Variants in ZFP64 observed in about 807,000 individuals in gnomAD.
ZFP64 encodes ZFP64 zinc finger protein.
Under a neutral mutation model 51.6 loss-of-function variants are expected in ZFP64, and 14 were observed. The observed-to-expected ratio is 0.27, with a 90% confidence interval of 0.18 to 0.42. The LOEUF (loss-of-function observed/expected upper bound fraction) is 0.42, where lower values mean the gene tolerates loss of function less well. ZFP64 is among the 10% of genes least tolerant of loss of function. The pLI, the probability that ZFP64 is intolerant of heterozygous loss-of-function variation, is 1.00. For missense variants in ZFP64, 754 were observed against 906.8 expected, an observed-to-expected ratio of 0.83 and a Z score of 2.16; for synonymous variants, 375 against 361.4, an observed-to-expected ratio of 1.04 and a Z score of -0.43.
At chr20:52,119,944 C>T (rs1421704408) in intron 5 of ZFP64, among the ~76,000 whole-genome samples, 2 of 152,072 alleles carry the variant, frequency 1.3e-5, no homozygotes, top group East Asian at 1.9e-4. Flanking sequence ...TTTCCTTTCC[C>T]CTGTGAATGT....
chr20:52,142,122 T>A lies in ZFP64; in HGVS notation c.763+18001A>T, dbSNP rs570489643. Among the ~76,000 whole-genome samples, 19 of 152,178 alleles carry A rather than the reference T, an allele frequency of 1.2e-4. No homozygotes were observed. In the South Asian group the frequency reaches 3.7e-3, roughly 30 times the overall value. ...TGGCTCACACCTGTGATCCCAGCACTTTGGGAGGCCAAGGTTTGCGGATGA... is the reference window on the plus strand; with the variant it reads ...TGGCTCACACCTGTGATCCCAGCACATTGGGAGGCCAAGGTTTGCGGATGA... On this transcript the variant is annotated intron_variant, in intron 5 of 8. Transcript: ENST00000361387.
chr20:52,144,578 CAAAAA>C (rs1156545584), intron 5 of ZFP64, among the ~76,000 whole-genome samples: 68 of 23,326 alleles, frequency 2.9e-3, no homozygotes, highest in East Asian at 0.011. Flanking sequence ...GACTCCGTCT[CAAAAA>C]AAAAAAAAAA....
At chr20:52,136,012 T>C (rs1320878447) in intron 5 of ZFP64, among the ~76,000 whole-genome samples, 1 of 146,816 alleles carries the variant, frequency 6.8e-6, no homozygotes, top group Non-Finnish European at 1.5e-5. Flanking sequence ...GGCAGGAGAA[T>C]TGCTTGAATC....
intron 5 of ZFP64, among the ~76,000 whole-genome samples, chr20:52,117,246 G>A (rs1978923211): frequency 6.6e-6 from 1 of 152,100 alleles, no homozygotes. Context: ...ATCAGAATGG[G>A]CTTTTAATAA....
rs541195547 is a variant in ZFP64, at chr20:52,155,355, A to T, written c.764-1927T>A. Among the ~76,000 whole-genome samples the T allele has an allele frequency of 2.6e-5, 4 of 152,264 alleles. No homozygotes were observed. In the South Asian group the frequency reaches 8.3e-4, roughly 32 times the overall value. ...TTAATACAGGCTAGTGAAAATGAAG[A>T]CGTCTTTGTTTTCCCCACCCCCATT... is the stretch of plus-strand genomic sequence containing the variant. On this transcript the variant is annotated intron_variant, in intron 5 of 5. Coordinates refer to ENST00000216923, the MANE Select transcript of ZFP64 (RefSeq NM_018197.3).
chr20:52,108,674 A>T (rs973083298), intron 5 of ZFP64, among the ~76,000 whole-genome samples: 2 of 150,820 alleles, frequency 1.3e-5, no homozygotes, highest in African/African-American at 4.9e-5. Context: ...ATGCCCGACA[A>T]TTTTTTTTTA....
Position 52,143,815 on chromosome 20 carries a change from G to A in ZFP64, c.763+16308C>T, listed in dbSNP as rs772620664. 1.1e-4 allele frequency among the ~76,000 whole-genome samples: 16 copies of A among 142,936 alleles called. 4 individuals are homozygous for A. Among genetic ancestry groups the A allele is most frequent in the South Asian group, 2.4e-4 (1 of 4,214 alleles). The allele number at this position is 142,936 out of a possible 152,430, so 93.8% of individuals were successfully genotyped here. A position where few individuals can be genotyped will look rare whatever the true frequency, so the allele number is the denominator to read the frequency against. The stretch of plus-strand genomic sequence containing the variant: ...TCCTTTTGCCTTGGCCTCCCAAAGT[G>A]CTGAGATTATAGGCGTGAACCACCA... On this transcript the variant is annotated intron_variant, in intron 5 of 8. Coordinates refer to the ZFP64 transcript ENST00000361387.
At chr20:52,126,089 C>T (rs890494132) in intron 5 of ZFP64, among the ~76,000 whole-genome samples, 22 of 151,920 alleles carry the variant, frequency 1.4e-4, no homozygotes, top group African/African-American at 4.8e-4. Context: ...GTAGAGATGG[C>T]GTTTTACCAT....
At chr20:52,132,895 AAC>A (rs1399061374) in intron 5 of ZFP64, among the ~76,000 whole-genome samples, 2 of 130,728 alleles carry the variant, frequency 1.5e-5, no homozygotes, top group African/African-American at 5.3e-5. Flanking sequence ...ACCAGACAAA[AAC>A]ACATCAAAAA....
In ZFP64 at chr20:52,085,537, C is replaced by A. The variant is rs1272627523; in HGVS notation, c.1229-271G>T. Among the ~76,000 whole-genome samples, 17 of 152,146 alleles carry A rather than the reference C, an allele frequency of 1.1e-4. No homozygotes were observed. The highest frequency in any genetic ancestry group is 1.5e-5 in the Non-Finnish European group (1 of 68,024). On this transcript the variant is annotated intron_variant, in intron 8 of 8. Coordinates refer to the ZFP64 transcript ENST00000361387. This position sits in a 1 kb window ranked among gnomAD's most constrained non-coding sequence, Gnocchi z 4.3. ...CAGGTCAAACAGCAGGGATTTGGAA[C>A]CCAGGCACTATGGCACTCAAGTCCA... is the stretch of plus-strand genomic sequence containing the variant.
In ZFP64 at chr20:52,084,522, G is replaced by A. The variant is rs34648990; in HGVS notation, c.*35C>T. The A allele has an allele frequency of 7.2e-3, 11,418 of 1,581,420 alleles. 54 individuals carry two copies. Among genetic ancestry groups the A allele is most frequent in the Middle Eastern group, 0.013 (56 of 4,436 alleles). On this transcript the variant is annotated 3_prime_UTR_variant, in exon 9 of 9. Coordinates refer to the ZFP64 transcript ENST00000361387. Reference sequence around the variant, plus strand: ...GAGGGCTGGGCAACAGCACTGGTCAGAAGTTCCGACAGCTGACCACCCTCT... The same window carrying A: ...GAGGGCTGGGCAACAGCACTGGTCAAAAGTTCCGACAGCTGACCACCCTCT...
At chr20:52,186,685 T>TG in intron 2 of ZFP64, 147 bp downstream of exon 2, 1 of 1,144,432 alleles carries the variant, frequency 8.7e-7, no homozygotes, top group Admixed American at 2.9e-5. Flanking sequence ...GCTGGGCAGC[T>TG]GGCTTCCTGG....
intron 5 of ZFP64, among the ~76,000 whole-genome samples, chr20:52,140,994 G>T (rs6021728): frequency 0.36 from 54,882 of 151,704 alleles, 10,617 homozygotes; most frequent in Non-Finnish European, 0.42. Flanking sequence ...TACTGTCTAG[G>T]CTCTAAAAAT....
chr20:52,108,367 G>A (rs1419872115), intron 5 of ZFP64, among the ~76,000 whole-genome samples: 1 of 152,150 alleles, frequency 6.6e-6, no homozygotes, highest in Non-Finnish European at 1.5e-5. Context: ...AGGTATAATA[G>A]TAGCCAAAAA....
intron 7 of ZFP64, among the ~76,000 whole-genome samples, chr20:52,095,207 A>G (rs2078975847): frequency 6.6e-6 from 1 of 152,214 alleles, no homozygotes; most frequent in Non-Finnish European, 1.5e-5. Flanking sequence ...ACAACCGCAC[A>G]GGAGAAACTT....
chr20:52,142,389 C>G (rs1191609547), intron 5 of ZFP64, among the ~76,000 whole-genome samples: 2 of 144,736 alleles, frequency 1.4e-5, no homozygotes, highest in African/African-American at 2.5e-5. Context: ...CACACACACA[C>G]ACACACACAC....
chr20:52,084,743 G>T (rs1169363000), exon 9 of ZFP64: 1 of 1,614,260 alleles, frequency 6.2e-7, no homozygotes. Context: ...AGGCGCCGCA[G>T]GTCTCACAGC....
intron 3 of ZFP64, 79 bp from the exon 4 acceptor site, chr20:52,164,836 T>C (rs1982117660): frequency 3.3e-6 from 4 of 1,195,330 alleles, no homozygotes; most frequent in Non-Finnish European, 3.7e-6. Flanking sequence ...AGAAACATCC[T>C]TAACCAAGTG....
chr20:52,098,239 T>G (rs181830724), intron 6 of ZFP64, among the ~76,000 whole-genome samples: 1 of 151,594 alleles, frequency 6.6e-6, no homozygotes, highest in East Asian at 1.9e-4. Flanking sequence ...GAATCCAATG[T>G]TCTGGTGAGT....
Sources: allele counts gnomAD v4.1 joint callset (sites outside exome capture counted in the v4.1 genomes callset), GRCh38; gene constraint gnomAD v4.1.1; non-coding constraint Gnocchi (gnomAD v3.1); transcripts MANE v1.5; gene names NCBI Gene and HGNC (gene_info 2026-07-23, HGNC 2026-07-21).